ARHGAP20: variants seen among roughly 807,000 people sequenced by gnomAD.
ARHGAP20 encodes the protein Rho GTPase activating protein 20.
A neutral mutation model predicts 73.7 loss-of-function variants in ARHGAP20; 34 were observed. The observed-to-expected ratio is 0.46, with a 90% confidence interval of 0.35 to 0.61. The LOEUF is 0.61. Ranked by LOEUF, ARHGAP20 falls within the 20% of genes least tolerant of loss-of-function variation. The probability of loss-of-function intolerance (pLI) is 0.00; values close to 1 mark genes in which losing one functional copy is unlikely to be tolerated. For synonymous variants in ARHGAP20, 523 were observed against 518.2 expected (o/e 1.01, Z -0.13); for missense variants, 1,314 against 1,420.9 (o/e 0.92, Z 1.21).
intron 12 of ARHGAP20, 101 bp from the exon 13 acceptor site, chr11:110,583,838 A>G (rs1947541951): frequency 1.0e-6 from 1 of 997,404 alleles, no homozygotes; most frequent in Admixed American, 3.2e-5. Flanking sequence ...AATCAAGAAC[A>G]CAGTTCAGAT....
At chr11:110,598,528 A>C (rs1176891605) in intron 9 of ARHGAP20, among the ~76,000 whole-genome samples, 1 of 152,206 alleles carries the variant, frequency 6.6e-6, no homozygotes, top group Non-Finnish European at 1.5e-5. Context: ...CCTAGGTCTT[A>C]AGAAGGTCAT....
chr11:110,710,102 C>T (rs1392689261), intron 1 of ARHGAP20, among the ~76,000 whole-genome samples: 2 of 152,162 alleles, frequency 1.3e-5, no homozygotes, highest in East Asian at 3.8e-4. Flanking sequence ...TTGGCTTGAA[C>T]AACTGGGACA....
chr11:110,684,798 T>C (rs761079461), intron 2 of ARHGAP20, among the ~76,000 whole-genome samples: 53 of 152,222 alleles, frequency 3.5e-4, no homozygotes, highest in Non-Finnish European at 5.3e-4. Flanking sequence ...TGGAGGCCAT[T>C]ATTCTAAGTA....
chr11:110,587,649 T>G (rs1273482011), intron 11 of ARHGAP20, among the ~76,000 whole-genome samples: 3 of 152,208 alleles, frequency 2.0e-5, no homozygotes, highest in African/African-American at 7.2e-5. Flanking sequence ...GAACTGCTGC[T>G]AAATTGCATA....
At chr11:110,610,905 A>G (rs1240507746) in intron 7 of ARHGAP20, among the ~76,000 whole-genome samples, 1 of 152,104 alleles carries the variant, frequency 6.6e-6, no homozygotes, top group Non-Finnish European at 1.5e-5. Flanking sequence ...TCATCCTAAG[A>G]CTGATTGAGT....
At chr11:110,670,536 C>A (rs945984497) in intron 2 of ARHGAP20, among the ~76,000 whole-genome samples, 4 of 152,076 alleles carry the variant, frequency 2.6e-5, no homozygotes, top group African/African-American at 9.7e-5. Context: ...TGAATACTCA[C>A]TAGTTCCATA....
rs750710803 is a variant in ARHGAP20, at chr11:110,624,230, T to C, written c.435A>G (p.Glu145=). Residue 145 remains glutamate, a synonymous_variant, in exon 4 of 15, where the codon GAA becomes GAG. Coordinates refer to ENST00000683387, the MANE Select transcript of ARHGAP20 (RefSeq NM_001384657.1). The part of the protein sequence containing the change: ...WTASCVDEVG[E]GNTNAMKSFV... ...AGGATTTCATGGCATTGGTGTTGCC[T>C]TCTCCCACTTCATCCACACAGCTTG... 1 of 1,613,190 alleles carries C rather than the reference T, an allele frequency of 6.2e-7. No individual in the cohort carries two copies. The highest frequency in any genetic ancestry group is 1.3e-5 in the African/African-American group (1 of 74,888).
At chr11:110,608,458 G>A (rs1189821714) in intron 8 of ARHGAP20, among the ~76,000 whole-genome samples, 1 of 152,084 alleles carries the variant, frequency 6.6e-6, no homozygotes, top group African/African-American at 2.4e-5. Flanking sequence ...TACTGAAGTA[G>A]CAGATAATAA....
chr11:110,622,858 A>T (rs193222022), intron 4 of ARHGAP20, among the ~76,000 whole-genome samples: 1 of 152,290 alleles, frequency 6.6e-6, no homozygotes, highest in Non-Finnish European at 1.5e-5. Flanking sequence ...GGTGATATTA[A>T]CCTTGATCAT....
chr11:110,618,215 T>A (rs1320371042), intron 4 of ARHGAP20, among the ~76,000 whole-genome samples: 1 of 152,148 alleles, frequency 6.6e-6, no homozygotes, highest in Non-Finnish European at 1.5e-5. Flanking sequence ...CCTTTATCTG[T>A]TTTGGAGGCA....
intron 1 of ARHGAP20, chr11:110,690,857 G>T (rs1950229560): frequency 1.0e-6 from 1 of 981,530 alleles, no homozygotes; most frequent in Non-Finnish European, 1.5e-6. Flanking sequence ...ATTTTTTGTG[G>T]TCAGAGAATA....
intron 2 of ARHGAP20, among the ~76,000 whole-genome samples, chr11:110,688,336 A>G (rs1483747046): frequency 6.6e-6 from 1 of 150,608 alleles, no homozygotes; most frequent in Non-Finnish European, 1.5e-5. Context: ...CTGCATGTAT[A>G]CTTATTGCAG....
Position 110,578,299 on chromosome 11 carries a change from G to A in ARHGAP20, c.*1071C>T. Reference sequence around the variant, plus strand: ...CAGCCACTTTGTTGGGTATTCTATTGTGGGACTCCTTATAACCGGCCAACC... The same window carrying A: ...CAGCCACTTTGTTGGGTATTCTATTATGGGACTCCTTATAACCGGCCAACC... On this transcript the variant is annotated 3_prime_UTR_variant, in exon 15 of 15. Transcript: ENST00000683387. 1.0e-6 allele frequency: 1 copy of A among 985,452 alleles called. No homozygotes were observed. Among genetic ancestry groups the A allele is most frequent in the Non-Finnish European group, 1.2e-6 (1 of 829,934 alleles). The allele number at this position is 985,452 out of a possible 1,614,324, so 61.0% of individuals were successfully genotyped here. A position where few individuals can be genotyped will look rare whatever the true frequency, so the allele number is the denominator to read the frequency against.
intron 2 of ARHGAP20, among the ~76,000 whole-genome samples, chr11:110,656,956 T>C (rs1949480958): frequency 6.6e-6 from 1 of 152,220 alleles, no homozygotes; most frequent in African/African-American, 2.4e-5. Flanking sequence ...CTTCCTCCCA[T>C]GCTCTTCCAA....
chr11:110,585,113 A>ATATATATGAATATATGTGAATG (rs1392525776), intron 12 of ARHGAP20, among the ~76,000 whole-genome samples: 1 of 150,004 alleles, frequency 6.7e-6, no homozygotes, highest in Non-Finnish European at 1.5e-5. Context: ...ATATATGTGA[A>ATATATATGAATATATGTGAATG]TATATATGAA....
At position 110,580,309 on chromosome 11, in the gene ARHGAP20, A is replaced by G. The variant is rs368058882; in HGVS notation, c.2637T>C (p.His879=). 1.9e-6 allele frequency: 3 copies of G among 1,614,112 alleles called. No individual in the cohort carries two copies. Among genetic ancestry groups the G allele is most frequent in the African/African-American group, 1.3e-5 (1 of 74,936 alleles). ...GCCGTTTGAGATAATCCTCCTCTCC[A>G]TGCAAGAGACCAGCTTCACAGCTGG... ...HKTSCEAGLL[H]GEEDYLKRHK... Residue 879 remains histidine, a synonymous_variant, in exon 15 of 15, where the codon CAT becomes CAC. Transcript: ENST00000683387.
chr11:110,632,775 T>C lies in ARHGAP20; in HGVS notation c.189-1983A>G, dbSNP rs1214718940. ...TTCTTACTGGCCATTTGCATTATCTTCATTGGTGAACTGTCTTCAAATCTT... is the reference window on the plus strand; with the variant it reads ...TTCTTACTGGCCATTTGCATTATCTCCATTGGTGAACTGTCTTCAAATCTT... On this transcript the variant is annotated intron_variant, in intron 2 of 14. Transcript: ENST00000683387. Among the ~76,000 whole-genome samples the C allele has an allele frequency of 6.6e-5, 10 of 152,222 alleles. 1 individual carries two copies. The highest frequency in any genetic ancestry group is 2.4e-4 in the African/African-American group (10 of 41,454).
intron 9 of ARHGAP20, among the ~76,000 whole-genome samples, chr11:110,593,152 C>T (rs767944189): frequency 6.6e-6 from 1 of 151,360 alleles, no homozygotes; most frequent in Non-Finnish European, 1.5e-5. Context: ...TGAGTACTCA[C>T]TAAATTGTTA....
At chr11:110,610,942 T>C (rs1169249473) in intron 7 of ARHGAP20, among the ~76,000 whole-genome samples, 1 of 152,010 alleles carries the variant, frequency 6.6e-6, no homozygotes, top group African/African-American at 2.4e-5. Context: ...GATAATTATA[T>C]AGGGGAAAAG....
Sources: gnomAD v4.1 joint callset for allele counts (sites outside exome capture counted in the v4.1 genomes callset) on GRCh38, gnomAD v4.1.1 for gene constraint, MANE v1.5 for transcripts, NCBI Gene and HGNC (gene_info 2026-07-23, HGNC 2026-07-21) for gene names.